Variants in CATIP observed in about 807,000 individuals in gnomAD.
CATIP encodes the protein ciliogenesis-associated TTC17-interacting protein.
Under a neutral mutation model 42.5 loss-of-function variants are expected in CATIP, and 40 were observed. The observed-to-expected ratio is 0.94, with a 90% CI of 0.73 to 1.22. The LOEUF (loss-of-function observed/expected upper bound fraction) is 1.22. Among genes scored for constraint, CATIP ranks in the 50% most tolerant of loss-of-function variants. The pLI is 0.00. For synonymous variants in CATIP, 222 were observed against 200.2 expected, an observed-to-expected ratio of 1.11 and a Z score of -0.92; for missense variants, 489 against 496.0, an observed-to-expected ratio of 0.99 and a Z score of 0.13.
chr2:218,360,140 T>C (rs1695183337), intron 4 of CATIP, among the ~76,000 whole-genome samples: 1 of 75,440 alleles, frequency 1.3e-5, no homozygotes. Flanking sequence ...TGCTTGGTTT[T>C]TTGTTTGTTT....
intron 4 of CATIP, among the ~76,000 whole-genome samples, chr2:218,358,682 C>A (rs573908510): frequency 3.3e-5 from 5 of 152,078 alleles, no homozygotes; most frequent in African/African-American, 1.2e-4. Flanking sequence ...GCCTGGGCAA[C>A]ATGGCAAAAC....
At position 218,359,341 on chromosome 2, in the gene CATIP, C is replaced by CAAAAAAAAAAAAAAAAAAA. The variant is rs140677940; in HGVS notation, c.376-1227_376-1209dup. On this transcript the variant is annotated intron_variant, in intron 4 of 9. Coordinates refer to ENST00000289388, the MANE Select transcript of CATIP (RefSeq NM_198559.2). ...TGGGCAACAGAGCGAGACTCTGTCT[C>CAAAAAAAAAAAAAAAAAAA]AAAAAAAAAAAAAAAAAAAAAAATG... Among the ~76,000 whole-genome samples the CAAAAAAAAAAAAAAAAAAA allele has an allele frequency of 5.1e-4, 41 of 79,696 alleles. 1 individual carries two copies. The highest frequency in any genetic ancestry group is 2.0e-3 in the African/African-American group (39 of 19,404). The allele number at this position is 79,696 out of a possible 152,430, so 52.3% of individuals were successfully genotyped here. A position where few individuals can be genotyped will look rare whatever the true frequency, so the allele number is the denominator to read the frequency against.
chr2:218,362,687 C>T, intron 5 of CATIP, 48 bp from the exon 6 acceptor site: 1 of 1,586,810 alleles, frequency 6.3e-7, no homozygotes, highest in South Asian at 1.1e-5. Flanking sequence ...CTCCTGTCCC[C>T]TGCCCCTTCC....
chr2:218,367,880 G>C lies in CATIP; in HGVS notation c.1080G>C (p.Ser360=). Residue 360 remains serine, a synonymous_variant, in exon 10 of 10, where the codon TCG becomes TCC. Transcript: ENST00000289388. The part of the protein sequence containing the change: ...FFGPFDPWRP[S]SPALGSSHRP... ...GCCCCTTCGACCCGTGGCGTCCGTCGTCACCGGCCTTGGGCTCCTCCCACC... is the reference window on the plus strand; with the variant it reads ...GCCCCTTCGACCCGTGGCGTCCGTCCTCACCGGCCTTGGGCTCCTCCCACC... 1.2e-6 allele frequency: 2 copies of C among 1,612,824 alleles called. No homozygotes were observed. Among genetic ancestry groups the C allele is most frequent in the Non-Finnish European group, 1.7e-6 (2 of 1,179,854 alleles).
intron 5 of CATIP, 101 bp from the exon 6 acceptor site, chr2:218,362,632 TCA>T: frequency 8.5e-7 from 1 of 1,183,010 alleles, no homozygotes; most frequent in Admixed American, 2.3e-5. Context: ...AAACTCTGTC[TCA>T]AAAAAAAACA....
Position 218,360,678 on chromosome 2 carries a change from T to C in CATIP, c.462+19T>C, listed in dbSNP as rs760124844. On this transcript the variant is annotated intron_variant, in intron 5 of 9. Coordinates refer to ENST00000289388, the MANE Select transcript of CATIP (RefSeq NM_198559.2). ...GGGTGAGGTAAGGATGAGAGCCAGATGGGAGTTGCACTACACACTGTGAAC... is the reference window on the plus strand; with the variant it reads ...GGGTGAGGTAAGGATGAGAGCCAGACGGGAGTTGCACTACACACTGTGAAC... The C allele has an allele frequency of 6.3e-7, 1 of 1,581,096 alleles. No homozygotes were observed. The highest frequency in any genetic ancestry group is 8.7e-7 in the Non-Finnish European group (1 of 1,150,768).
At chr2:218,365,464 C>T (rs973598224) in intron 7 of CATIP, 2 of 149,442 alleles carry the variant, frequency 1.3e-5, no homozygotes, top group African/African-American at 5.1e-5. Context: ...GAGTTTCTTT[C>T]TGTTTTTTTG....
intron 7 of CATIP, chr2:218,366,804 G>A (rs189405264): frequency 6.0e-4 from 330 of 549,146 alleles, no homozygotes; most frequent in Non-Finnish European, 9.6e-4. Flanking sequence ...CCTTTCTTCC[G>A]TGCATGAGTG....
rs534564080 is a variant in CATIP at position 218,367,808 on chromosome 2, G to A, written c.1008G>A (p.Leu336=). 6.2e-7 allele frequency: 1 copy of A among 1,612,960 alleles called. No individual in the cohort carries two copies. Among genetic ancestry groups the A allele is most frequent in the East Asian group, 2.2e-5 (1 of 44,870 alleles). Residue 336 remains leucine, a synonymous_variant, in exon 10 of 10, where the codon CTG becomes CTA. Coordinates refer to ENST00000289388, the MANE Select transcript of CATIP (RefSeq NM_198559.2). ...TCTCCGACTTCCTGCTCTTCCTGCT[G>A]CTGCGCCAGCCGGAGGACGTGGTCA... The part of the protein sequence containing the change: ...ALISDFLLFL[L]LRQPEDVVTF...
intron 5 of CATIP, among the ~76,000 whole-genome samples, chr2:218,361,018 G>A (rs1476911775): frequency 1.3e-5 from 2 of 151,490 alleles, no homozygotes; most frequent in Non-Finnish European, 2.9e-5. Flanking sequence ...TTAGTAGAGA[G>A]GGAGTTTCAT....
chr2:218,358,883 C>CAA lies in CATIP; in HGVS notation c.375+806_375+807dup, dbSNP rs34797850. 4.4e-3 allele frequency among the ~76,000 whole-genome samples: 546 copies of CAA among 123,426 alleles called. 3 individuals carry two copies. Among genetic ancestry groups the CAA allele is most frequent in the East Asian group, 0.044 (191 of 4,352 alleles). The allele number at this position is 123,426 out of a possible 152,430, so 81.0% of individuals were successfully genotyped here. A position where few individuals can be genotyped will look rare whatever the true frequency, so the allele number is the denominator to read the frequency against. On this transcript the variant is annotated intron_variant, in intron 4 of 9. Transcript: ENST00000289388. ...TGGGTGACAGAATGAGACCCTGTCT[C>CAA]AAAAAAAAAAAAAAAAGAAAAAAGA...
In CATIP at chr2:218,367,973, C is replaced by A. The variant is rs1443931458; in HGVS notation, c.*9C>A. 3 of 1,552,712 alleles carry A rather than the reference C, an allele frequency of 1.9e-6. No homozygotes were observed. The highest frequency in any genetic ancestry group is 2.2e-4 in the Middle Eastern group (1 of 4,482). On this transcript the variant is annotated 3_prime_UTR_variant, in exon 10 of 10. Coordinates refer to ENST00000289388, the MANE Select transcript of CATIP (RefSeq NM_198559.2). ...GCTCGGGGGCGGCCTAAGCGGGGCC[C>A]AGGCCCGGACAGGGCAGGAAACCAG...
rs756758937 is a variant in CATIP, at chr2:218,367,854, G to A, written c.1054G>A (p.Gly352Ser). 11 of 1,613,114 alleles carry A rather than the reference G, an allele frequency of 6.8e-6. No homozygotes were observed. The highest frequency in any genetic ancestry group is 4.4e-5 in the South Asian group (4 of 91,084). The change falls in exon 10 of 10, where the codon GGC (glycine) becomes AGC (serine). Residue 352 changes from glycine (G) to serine (S), a missense_variant. By Grantham distance (56) the Gly-to-Ser change is moderately conservative (BLOSUM62 0). Transcript: ENST00000289388. ...DVVTFAAEFFGPFDPWRPSSP... is the reference protein window; with the variant it reads ...DVVTFAAEFFSPFDPWRPSSP... ...GGTCACCTTCGCCGCCGAGTTCTTC[G>A]GCCCCTTCGACCCGTGGCGTCCGTC...
chr2:218,366,919 G>T, intron 7 of CATIP, 105 bp from the exon 8 acceptor site: 1 of 859,512 alleles, frequency 1.2e-6, no homozygotes. Context: ...CCTCCCCAAA[G>T]CCCCTACCTC....
chr2:218,361,481 C>T (rs981794287), intron 5 of CATIP, among the ~76,000 whole-genome samples: 1 of 152,108 alleles, frequency 6.6e-6, no homozygotes, highest in Non-Finnish European at 1.5e-5. Context: ...TTTAAGTTTC[C>T]GATTAGCCTT....
rs1344015127 is a variant in CATIP, at chr2:218,356,903, T to C, written c.19T>C (p.Ser7Pro). 1 of 1,614,086 alleles carries C rather than the reference T, an allele frequency of 6.2e-7. No individual in the cohort carries two copies. The change falls in exon 1 of 10, where the codon TCC becomes CCC. Residue 7 changes from serine to proline, a missense_variant. Physicochemically the swap from Ser to Pro is moderately conservative, Grantham distance 74 (BLOSUM62 -1). Coordinates refer to ENST00000289388, the MANE Select transcript of CATIP (RefSeq NM_198559.2). MSSKVYSTGSRAKDHQP... is the reference protein window; with the variant it reads MSSKVYPTGSRAKDHQP... ...CCACAGCATGTCCTCCAAGGTTTAC[T>C]CCACAGGTGGGAAGAGGACTGCTGG... is the stretch of plus-strand genomic sequence containing the variant.
intron 8 of CATIP, 95 bp downstream of exon 8, chr2:218,367,195 T>C: frequency 2.1e-6 from 2 of 970,298 alleles, no homozygotes; most frequent in South Asian, 3.0e-5. Context: ...CCCAGTGTGC[T>C]GTAAACGGGA....
intron 5 of CATIP, among the ~76,000 whole-genome samples, chr2:218,362,352 C>CA (rs57836370): frequency 0.3 from 23,241 of 78,224 alleles, 2,553 homozygotes; most frequent in South Asian, 0.35. Flanking sequence ...GACCCTGTCT[C>CA]AAAAAAAAAA....
At chr2:218,357,466 G>C in intron 2 of CATIP, 68 bp from the exon 3 acceptor site, 1 of 1,341,796 alleles carries the variant, frequency 7.5e-7, no homozygotes. Flanking sequence ...GGTGGTCATG[G>C]GGTCAGAGGA....
Sources: allele counts gnomAD v4.1 joint callset (sites outside exome capture counted in the v4.1 genomes callset), GRCh38; gene constraint gnomAD v4.1.1; transcripts MANE v1.5; gene names NCBI Gene and HGNC (gene_info 2026-07-23, HGNC 2026-07-21).